The following STAC variants were observed in gnomAD, a reference collection of about 807,000 sequenced individuals.
The protein encoded by STAC is SH3 and cysteine rich domain.
In STAC, 43 loss-of-function variants were observed where a neutral mutation model predicts 48.8. That is an observed-to-expected ratio of 0.88 (90% confidence interval 0.69 to 1.14). STAC has a LOEUF of 1.14. Ranked by LOEUF, STAC falls within the 50% of genes most tolerant of loss-of-function variation. STAC has a pLI of 0.00. For missense variants in STAC, 497 were observed against 504.0 expected, an observed-to-expected ratio of 0.99 and a Z score of 0.13; for synonymous variants, 193 against 179.5, an observed-to-expected ratio of 1.07 and a Z score of -0.60.
intron 8 of STAC, among the ~76,000 whole-genome samples, chr3:36,514,204 CTTT>C (rs765548085): frequency 8.2e-5 from 3 of 36,434 alleles, no homozygotes; most frequent in African/African-American, 2.0e-4. Context: ...CACTGGCCTT[CTTT>C]TTTTTTTTTT....
intron 8 of STAC, among the ~76,000 whole-genome samples, chr3:36,528,314 C>T (rs1415066133): frequency 6.6e-6 from 1 of 151,926 alleles, no homozygotes; most frequent in Non-Finnish European, 1.5e-5. Flanking sequence ...ACTAAAAATA[C>T]AAAAATGATC....
At chr3:36,457,903 A>C (rs941584392) in intron 2 of STAC, among the ~76,000 whole-genome samples, 6 of 152,244 alleles carry the variant, frequency 3.9e-5, no homozygotes, top group Non-Finnish European at 7.3e-5. Flanking sequence ...TGCTATTTTT[A>C]AAGCCAAGTG....
intron 1 of STAC, among the ~76,000 whole-genome samples, chr3:36,431,957 C>A (rs1700715288): frequency 6.6e-6 from 1 of 152,194 alleles, no homozygotes; most frequent in African/African-American, 2.4e-5. Flanking sequence ...TCTTCCCTAG[C>A]CAGGTAGCTA....
chr3:36,519,536 T>A (rs1698751936), intron 8 of STAC, among the ~76,000 whole-genome samples: 1 of 152,228 alleles, frequency 6.6e-6, no homozygotes, highest in African/African-American at 2.4e-5. Context: ...CAATTCTATT[T>A]TAATCAGCAA....
intron 6 of STAC, 75 bp from the exon 7 acceptor site, chr3:36,504,318 A>G: frequency 7.4e-7 from 1 of 1,351,000 alleles, no homozygotes; most frequent in Middle Eastern, 1.8e-4. Context: ...AGAATAAATA[A>G]AGCCATCTTT....
At chr3:36,409,247 G>A (rs1209167143) in intron 1 of STAC, among the ~76,000 whole-genome samples, 1 of 152,166 alleles carries the variant, frequency 6.6e-6, no homozygotes, top group Non-Finnish European at 1.5e-5. Context: ...ACAGACTTGA[G>A]AGAAGCTGTT....
At chr3:36,537,980 T>C (rs1699238573) in intron 10 of STAC, among the ~76,000 whole-genome samples, 1 of 152,016 alleles carries the variant, frequency 6.6e-6, no homozygotes, top group South Asian at 2.1e-4. Flanking sequence ...TATTTTATAT[T>C]ACAAAACCAA....
chr3:36,439,938 C>G (rs979574918), intron 1 of STAC, among the ~76,000 whole-genome samples: 1 of 152,222 alleles, frequency 6.6e-6, no homozygotes, highest in Non-Finnish European at 1.5e-5. Flanking sequence ...TCAGGGACAC[C>G]TCCTTCTTCC....
Position 36,440,413 on chromosome 3 carries a change from G to T in STAC, c.112-2951G>T, listed in dbSNP as rs191410046. Among the ~76,000 whole-genome samples the T allele has an allele frequency of 3.3e-5, 5 of 152,304 alleles. No individual in the cohort carries two copies. In the East Asian group the frequency reaches 7.7e-4, roughly 24 times the overall value. On this transcript the variant is annotated intron_variant, in intron 1 of 10. Coordinates refer to ENST00000273183, the MANE Select transcript of STAC (RefSeq NM_003149.3). ...TTCTGGTCCATCTAGACTCCCTTAT[G>T]CCTGCAGGACAGCAGGGTGGCTCTG... is the stretch of plus-strand genomic sequence containing the variant.
chr3:36,514,864 G>A (rs908786557), intron 8 of STAC, among the ~76,000 whole-genome samples: 8 of 151,962 alleles, frequency 5.3e-5, no homozygotes, highest in Middle Eastern at 3.4e-3. Context: ...GTGACACCCC[G>A]TCTCTATTAA....
chr3:36,493,174 T>G lies in STAC; in HGVS notation c.711T>G (p.Pro237=), dbSNP rs1559512583. 2 of 1,613,450 alleles carry G rather than the reference T, an allele frequency of 1.2e-6. No homozygotes were observed. The highest frequency in any genetic ancestry group is 1.1e-5 in the South Asian group (1 of 91,074). ...AGACTTCAGATCTTGTGGAGGTTCCTGAGGAAGCCAATGGGCCAGGAGGCG... is the reference window on the plus strand; with the variant it reads ...AGACTTCAGATCTTGTGGAGGTTCCGGAGGAAGCCAATGGGCCAGGAGGCG... The part of the protein sequence containing the change: ...RTSTSDLVEV[P]EEANGPGGGY... Residue 237 remains proline, a synonymous_variant, in exon 6 of 11, where the codon CCT becomes CCG. Coordinates refer to ENST00000273183, the MANE Select transcript of STAC (RefSeq NM_003149.3).
intron 8 of STAC, among the ~76,000 whole-genome samples, chr3:36,514,772 T>C (rs150320098): frequency 1.6e-3 from 250 of 152,280 alleles, no homozygotes; most frequent in African/African-American, 5.7e-3. Flanking sequence ...CAGTGGCTCA[T>C]GCCTGTAATC....
chr3:36,473,336 G>T (rs1697394338), intron 2 of STAC, among the ~76,000 whole-genome samples: 3 of 152,152 alleles, frequency 2.0e-5, no homozygotes, highest in African/African-American at 7.2e-5. Flanking sequence ...CTGAGGTCAT[G>T]CCTGATCACA....
At chr3:36,510,521 G>A (rs1050116280) in intron 8 of STAC, among the ~76,000 whole-genome samples, 7 of 152,102 alleles carry the variant, frequency 4.6e-5, no homozygotes, top group African/African-American at 1.7e-4. Context: ...TGTTTATTGT[G>A]GCAGTCTTCA....
Position 36,475,861 on chromosome 3 carries a change from C to A in STAC, c.389-7131C>A, listed in dbSNP as rs569200764. 2.6e-5 allele frequency among the ~76,000 whole-genome samples: 4 copies of A among 152,306 alleles called. No homozygotes were observed. The South Asian group carries it at 8.3e-4, about 32-fold the overall frequency. On this transcript the variant is annotated intron_variant, in intron 2 of 10. Transcript: ENST00000273183. ...CCCAGAATCAGCTTTCAGCCAGCAT[C>A]CTAGGTCAGGCAGGAGTCTGATGGA...
intron 2 of STAC, among the ~76,000 whole-genome samples, chr3:36,465,011 T>C (rs1225618914): frequency 6.6e-6 from 1 of 152,152 alleles, no homozygotes; most frequent in Non-Finnish European, 1.5e-5. Context: ...AAGCAGTACA[T>C]CTACTTTTAG....
rs1361069305 is a variant in STAC at position 36,398,585 on chromosome 3, GAAGGAAGGAAGGAAGA to G, written c.111+17841_111+17856del. 2.5e-3 allele frequency among the ~76,000 whole-genome samples: 205 copies of G among 80,516 alleles called. 12 individuals carry two copies. In the Middle Eastern group the frequency reaches 0.031, roughly 12 times the overall value. The allele number at this position is 80,516 out of a possible 152,430, so 52.8% of individuals were successfully genotyped here. ...GGAAGGAAGGAAGGAAGGAAGGAAGGAAGGAAGGAAGGAAGAAAGGAAGGAGGGAAGGAAGAGAAAA... is the reference window on the plus strand; with the variant it reads ...GGAAGGAAGGAAGGAAGGAAGGAAGGAAGGAAGGAGGGAAGGAAGAGAAAA... On this transcript the variant is annotated intron_variant, in intron 1 of 10. Coordinates refer to ENST00000273183, the MANE Select transcript of STAC (RefSeq NM_003149.3).
intron 2 of STAC, among the ~76,000 whole-genome samples, chr3:36,478,005 G>A (rs946349467): frequency 2.6e-5 from 4 of 152,138 alleles, no homozygotes; most frequent in African/African-American, 7.2e-5. Context: ...AAACTGTCTC[G>A]TCCCAGATTC....
intron 1 of STAC, among the ~76,000 whole-genome samples, chr3:36,421,435 T>C (rs1023108889): frequency 3.3e-5 from 5 of 152,196 alleles, no homozygotes; most frequent in African/African-American, 1.2e-4. Flanking sequence ...ATTACAATAG[T>C]TGTAGTCATA....
Sources: gnomAD v4.1 joint callset for allele counts (sites outside exome capture counted in the v4.1 genomes callset) on GRCh38, gnomAD v4.1.1 for gene constraint, MANE v1.5 for transcripts, NCBI Gene and HGNC (gene_info 2026-07-23, HGNC 2026-07-21) for gene names.